The following SCHIP1 variants were observed in gnomAD, a reference collection of about 807,000 sequenced individuals.
SCHIP1 encodes schwannomin interacting protein 1, also known as schwannomin-interacting protein 1.
SCHIP1 carries 8 observed loss-of-function variants against 29.7 expected under a neutral mutation model. The ratio of observed to expected loss-of-function variants is 0.27; its 90% CI spans 0.16 to 0.49. The LOEUF (loss-of-function observed/expected upper bound fraction) is 0.49, where lower values mean the gene tolerates loss of function less well. Ranked by LOEUF, SCHIP1 falls within the 20% of genes least tolerant of loss-of-function variation. The probability of loss-of-function intolerance (pLI) is 0.99; values close to 1 mark genes in which losing one functional copy is unlikely to be tolerated. For missense variants in SCHIP1, 193 were observed against 294.6 expected, an observed-to-expected ratio of 0.66 and a Z score of 2.52; for synonymous variants, 76 against 94.9, an observed-to-expected ratio of 0.80 and a Z score of 1.16.
the SCHIP1 span, among the ~76,000 whole-genome samples, chr3:159,422,628 C>T: frequency 3.3e-5 from 5 of 152,180 alleles, no homozygotes; most frequent in African/African-American, 1.2e-4. Flanking sequence ...AGATGAACCA[C>T]TAACCTCAGC....
At chr3:159,550,276 A>T in the SCHIP1 span, among the ~76,000 whole-genome samples, 1 of 152,064 alleles carries the variant, frequency 6.6e-6, no homozygotes, top group Non-Finnish European at 1.5e-5. Flanking sequence ...AATCCTTTGT[A>T]TTAAATTTTT....
the SCHIP1 span, among the ~76,000 whole-genome samples, chr3:159,429,334 A>G: frequency 1.3e-5 from 2 of 152,038 alleles, no homozygotes; most frequent in African/African-American, 4.8e-5. Flanking sequence ...ACTTCGTGCT[A>G]TGAAGAATAC....
At chr3:159,504,390 A>T in the SCHIP1 span, among the ~76,000 whole-genome samples, 1 of 152,168 alleles carries the variant, frequency 6.6e-6, no homozygotes, top group African/African-American at 2.4e-5. Flanking sequence ...ATTTTAACAG[A>T]TCATGGTGGT....
chr3:159,500,887 T>C, the SCHIP1 span, among the ~76,000 whole-genome samples: 2 of 152,190 alleles, frequency 1.3e-5, no homozygotes, highest in Non-Finnish European at 2.9e-5. Flanking sequence ...ATATATTGAA[T>C]TGTCTATTTT....
the SCHIP1 span, among the ~76,000 whole-genome samples, chr3:159,623,690 G>T: frequency 6.6e-6 from 1 of 152,140 alleles, no homozygotes; most frequent in African/African-American, 2.4e-5. Context: ...ATTACCTTTA[G>T]TAGGAAAAGT....
the SCHIP1 span, among the ~76,000 whole-genome samples, chr3:159,392,321 A>G: frequency 6.6e-6 from 1 of 151,970 alleles, no homozygotes; most frequent in South Asian, 2.1e-4. Flanking sequence ...TTTTCCTTTT[A>G]TTATTATACT....
chr3:159,586,638 G>A, the SCHIP1 span, among the ~76,000 whole-genome samples: 41 of 152,252 alleles, frequency 2.7e-4, no homozygotes, highest in African/African-American at 9.4e-4. Flanking sequence ...GTGTCACCCA[G>A]GATGATTTTA....
rs76918084 is a variant in SCHIP1 at position 159,858,348 on chromosome 3, C to T, written c.31-7815C>T. 6.4e-3 allele frequency among the ~76,000 whole-genome samples: 967 copies of T among 152,260 alleles called. 7 individuals are homozygous for T. Among genetic ancestry groups the T allele is most frequent in the African/African-American group, 0.023 (936 of 41,552 alleles). ...GTTAACGTTGAAACACCTCCTCTAC[C>T]GTAGCCATCTTTGTAGATTGCACCT... On this transcript the variant is annotated intron_variant, in intron 1 of 6. Transcript: ENST00000445224.
the SCHIP1 span, among the ~76,000 whole-genome samples, chr3:159,341,833 A>C: frequency 6.6e-6 from 1 of 152,184 alleles, no homozygotes; most frequent in East Asian, 1.9e-4. Context: ...GTGGTTATCA[A>C]ATCATTTGGC....
At chr3:159,341,084 T>C in the SCHIP1 span, among the ~76,000 whole-genome samples, 10 of 152,148 alleles carry the variant, frequency 6.6e-5, no homozygotes, top group African/African-American at 2.4e-4. Context: ...CTGTGGGTGA[T>C]ATCTGCCTGC....
chr3:159,378,068 G>A, the SCHIP1 span, among the ~76,000 whole-genome samples: 10 of 152,264 alleles, frequency 6.6e-5, no homozygotes, highest in East Asian at 1.9e-3. Context: ...GGATATATTC[G>A]TAACAATAAT....
chr3:159,565,639 A>G, the SCHIP1 span, among the ~76,000 whole-genome samples: 8 of 151,972 alleles, frequency 5.3e-5, no homozygotes, highest in Non-Finnish European at 1.0e-4. Flanking sequence ...ACATGTGCTC[A>G]TAAGTTCCAT....
chr3:159,840,747 A>G (rs1453805606), intron 1 of SCHIP1, among the ~76,000 whole-genome samples: 1 of 152,244 alleles, frequency 6.6e-6, no homozygotes, highest in South Asian at 2.1e-4. Flanking sequence ...TTTTACTAGT[A>G]TGTTGTTTTA....
chr3:159,399,908 C>T, the SCHIP1 span, among the ~76,000 whole-genome samples: 1 of 152,186 alleles, frequency 6.6e-6, no homozygotes, highest in Non-Finnish European at 1.5e-5. Flanking sequence ...GATCTCCTGA[C>T]CTCCAGTGAT....
chr3:159,613,608 A>G, the SCHIP1 span, among the ~76,000 whole-genome samples: 24 of 152,332 alleles, frequency 1.6e-4, no homozygotes, highest in African/African-American at 5.8e-4. Context: ...GCATCCTGAC[A>G]GCCCATAGCA....
At chr3:159,649,725 G>C in the SCHIP1 span, among the ~76,000 whole-genome samples, 1 of 152,126 alleles carries the variant, frequency 6.6e-6, no homozygotes, top group African/African-American at 2.4e-5. Context: ...GATTGATGGA[G>C]AGATTTCCAT....
chr3:159,473,064 T>C, the SCHIP1 span, among the ~76,000 whole-genome samples: 1 of 152,178 alleles, frequency 6.6e-6, no homozygotes, highest in Non-Finnish European at 1.5e-5. Context: ...GTTTTGTCAA[T>C]GAACTCAGTT....
At chr3:159,450,421 A>G in the SCHIP1 span, among the ~76,000 whole-genome samples, 9 of 152,360 alleles carry the variant, frequency 5.9e-5, no homozygotes, top group Non-Finnish European at 8.8e-5. Context: ...CCGTAGTTTC[A>G]ATAAGCAATG....
chr3:159,844,397 GGT>G (rs151162378), intron 1 of SCHIP1, among the ~76,000 whole-genome samples: 9,116 of 152,246 alleles, frequency 0.06, 852 homozygotes, highest in African/African-American at 0.2. Context: ...AATTTTTCAT[GGT>G]TGTTTGTTTT....
Sources: gnomAD v4.1 joint callset for allele counts (sites outside exome capture counted in the v4.1 genomes callset) on GRCh38, gnomAD v4.1.1 for gene constraint, MANE v1.5 for transcripts, NCBI Gene and HGNC (gene_info 2026-07-23, HGNC 2026-07-21) for gene names.